The following ARHGEF7 variants were observed in gnomAD, a reference collection of about 807,000 sequenced individuals.
The protein encoded by ARHGEF7 is Rho guanine nucleotide exchange factor 7, also known as PAK-interacting exchange factor beta.
ARHGEF7 carries 33 observed loss-of-function variants against 109.8 expected under a neutral mutation model. The observed-to-expected ratio is 0.30, with a 90% CI of 0.23 to 0.40. The LOEUF is 0.40. ARHGEF7 is among the 10% of genes least tolerant of loss of function. ARHGEF7 has a pLI of 1.00. For missense variants in ARHGEF7, 938 were observed against 1,098.5 expected (o/e 0.85, Z 2.07); for synonymous variants, 458 against 424.6 (o/e 1.08, Z -0.97).
intron 2 of ARHGEF7, among the ~76,000 whole-genome samples, chr13:111,173,866 T>C (rs1171146695): frequency 2.0e-5 from 3 of 152,170 alleles, no homozygotes; most frequent in Non-Finnish European, 4.4e-5. Flanking sequence ...GTGGGTGTCA[T>C]TCAGTTTTAT....
At chr13:111,221,072 T>A (rs1423276472) in intron 5 of ARHGEF7, among the ~76,000 whole-genome samples, 1 of 145,700 alleles carries the variant, frequency 6.9e-6, no homozygotes, top group Non-Finnish European at 1.5e-5. Context: ...TATACATATA[T>A]ACATATACAT....
At chr13:111,185,754 C>T (rs1178920685) in intron 2 of ARHGEF7, among the ~76,000 whole-genome samples, 1 of 152,060 alleles carries the variant, frequency 6.6e-6, no homozygotes, top group African/African-American at 2.4e-5. Flanking sequence ...GTATGGGCTG[C>T]TGTGTGTGTG....
chr13:111,190,018 A>G lies in ARHGEF7; in HGVS notation c.253-15271A>G, dbSNP rs1239770117. Among the ~76,000 whole-genome samples the G allele has an allele frequency of 3.9e-5, 6 of 152,262 alleles. No individual in the cohort carries two copies. In the East Asian group the frequency reaches 7.7e-4, roughly 20 times the overall value. ...CCGCTCTAGCTACTTCCTGCTGGATAGGGATGAAGAAGGGGCCCTGAAGTT... is the reference window on the plus strand; with the variant it reads ...CCGCTCTAGCTACTTCCTGCTGGATGGGGATGAAGAAGGGGCCCTGAAGTT... On this transcript the variant is annotated intron_variant, in intron 2 of 21. Transcript: ENST00000646102.
chr13:111,191,257 A>G (rs1246321006), intron 2 of ARHGEF7, among the ~76,000 whole-genome samples: 1 of 152,116 alleles, frequency 6.6e-6, no homozygotes, highest in Admixed American at 6.5e-5. Context: ...GTGAGGTGTA[A>G]TTACACTGAT....
intron 5 of ARHGEF7, among the ~76,000 whole-genome samples, chr13:111,224,153 C>T (rs2084865025): frequency 1.3e-5 from 2 of 152,270 alleles, no homozygotes; most frequent in Non-Finnish European, 2.9e-5. Flanking sequence ...CCGCAGCCAG[C>T]GTCTACAGCA....
chr13:111,160,372 GT>G (rs919286407), intron 2 of ARHGEF7, among the ~76,000 whole-genome samples: 3 of 150,912 alleles, frequency 2.0e-5, no homozygotes. Flanking sequence ...TTTCAGGATT[GT>G]TTTTCTATAT....
rs757952385 is a variant in ARHGEF7, at chr13:111,275,689, C to T, written c.1419+11C>T. 1 of 1,614,008 alleles carries T rather than the reference C, an allele frequency of 6.2e-7. No homozygotes were observed. The highest frequency in any genetic ancestry group is 2.2e-5 in the East Asian group (1 of 44,868). On this transcript the variant is annotated intron_variant, in intron 12 of 21. Coordinates refer to ENST00000646102, the MANE Select transcript of ARHGEF7 (RefSeq NM_001354046.2). ...TGTGCCGGAAGTGAGGTACTGCTGC[C>T]CACATGCACGCACCAGGGTTTCTGT...
rs757772711 is a variant in ARHGEF7, at chr13:111,244,294, A to G, written c.950A>G (p.Lys317Arg). The change falls in exon 8 of 22, where the codon AAG becomes AGG. Residue 317 changes from lysine (K) to arginine (R), a missense_variant and splice_region_variant. By Grantham distance (26) the Lys-to-Arg change is conservative (BLOSUM62 2). Transcript: ENST00000646102. Reference sequence around the variant, plus strand: ...GTACAGTCTTTAGAAGAATGCACCAAGTAAGTAAGATGCTAAAAATTTGCA... The same window carrying G: ...GTACAGTCTTTAGAAGAATGCACCAGGTAAGTAAGATGCTAAAAATTTGCA... ...MLVQSLEECT[K>R]LPEAQQRVGG... is the part of the protein sequence containing the mutation. 2 of 1,576,274 alleles carry G rather than the reference A, an allele frequency of 1.3e-6. No homozygotes were observed. The highest frequency in any genetic ancestry group is 3.7e-5 in the Admixed American group (2 of 53,538).
chr13:111,177,408 G>A (rs1265765666), intron 2 of ARHGEF7, among the ~76,000 whole-genome samples: 2 of 152,250 alleles, frequency 1.3e-5, no homozygotes, highest in African/African-American at 4.8e-5. Flanking sequence ...CATTCTGGGA[G>A]CTGAGCTCAG....
intron 11 of ARHGEF7, 100 bp from the exon 12 acceptor site, chr13:111,275,432 T>C: frequency 3.1e-6 from 4 of 1,290,730 alleles, no homozygotes; most frequent in Non-Finnish European, 3.3e-6. Flanking sequence ...AAGTAAGATA[T>C]AAAGCAATAA....
At chr13:111,143,456 G>C (rs988864154) in intron 1 of ARHGEF7, 18 of 152,274 alleles carry the variant, frequency 1.2e-4, no homozygotes, top group African/African-American at 4.1e-4. Context: ...GAGGGAACAT[G>C]CCAAAGGGTG....
intron 4 of ARHGEF7, among the ~76,000 whole-genome samples, chr13:111,215,622 G>C (rs571457814): frequency 6.6e-6 from 1 of 152,280 alleles, no homozygotes; most frequent in East Asian, 1.9e-4. Context: ...TTTTGTTTTC[G>C]AGAATTAGTA....
At chr13:111,274,403 G>C (rs1398507290) in intron 10 of ARHGEF7, among the ~76,000 whole-genome samples, 1 of 152,208 alleles carries the variant, frequency 6.6e-6, no homozygotes, top group African/African-American at 2.4e-5. Flanking sequence ...TAAGGGGGCA[G>C]ACTGTAGGGT....
chr13:111,224,542 G>A (rs1266333636), intron 5 of ARHGEF7, among the ~76,000 whole-genome samples: 2 of 152,178 alleles, frequency 1.3e-5, no homozygotes, highest in African/African-American at 4.8e-5. Flanking sequence ...CTGTTTTGGG[G>A]GCTGGTTAGC....
intron 6 of ARHGEF7, among the ~76,000 whole-genome samples, chr13:111,237,287 G>A (rs2086965188): frequency 6.6e-6 from 1 of 152,066 alleles, no homozygotes; most frequent in Non-Finnish European, 1.5e-5. Context: ...AATGGGAAAG[G>A]TTGTGAACAA....
intron 1 of ARHGEF7, among the ~76,000 whole-genome samples, chr13:111,123,862 GCCC>G (rs59479493): frequency 0.46 from 50,830 of 110,450 alleles, 10,906 homozygotes; most frequent in Middle Eastern, 0.6. Flanking sequence ...GGTGGGCTGC[GCCC>G]CCCCCCCCCG....
At chr13:111,269,260 C>T (rs1371911662) in intron 9 of ARHGEF7, among the ~76,000 whole-genome samples, 3 of 152,148 alleles carry the variant, frequency 2.0e-5, no homozygotes, top group Admixed American at 1.3e-4. Context: ...TTCCAGAAAG[C>T]GCAATGCAAG....
At chr13:111,169,102 G>A (rs1395816716) in intron 2 of ARHGEF7, among the ~76,000 whole-genome samples, 2 of 152,160 alleles carry the variant, frequency 1.3e-5, no homozygotes, top group Admixed American at 6.5e-5. Flanking sequence ...GCTTACTGTG[G>A]GGTTGTGCCA....
chr13:111,247,741 C>T (rs1160623756), intron 8 of ARHGEF7, among the ~76,000 whole-genome samples: 1 of 152,194 alleles, frequency 6.6e-6, no homozygotes, highest in Non-Finnish European at 1.5e-5. Flanking sequence ...GTTTCACTGG[C>T]ACGTGCTGTA....
Sources: allele counts gnomAD v4.1 joint callset (sites outside exome capture counted in the v4.1 genomes callset), GRCh38; gene constraint gnomAD v4.1.1; transcripts MANE v1.5; gene names NCBI Gene and HGNC (gene_info 2026-07-23, HGNC 2026-07-21).